COG6: variants seen among roughly 807,000 people sequenced by gnomAD.
COG6 encodes component of oligomeric golgi complex 6, also known as conserved oligomeric Golgi complex subunit 6.
In COG6, 74 loss-of-function variants were observed where a neutral mutation model predicts 88.8. That is an observed-to-expected ratio of 0.83 (90% confidence interval 0.69 to 1.01). The LOEUF (loss-of-function observed/expected upper bound fraction) is 1.01. Ranked by LOEUF, COG6 falls within the 50% of genes least tolerant of loss-of-function variation. The pLI is 0.00. For missense variants in COG6, 800 were observed against 797.9 expected (o/e 1.00, Z -0.03); for synonymous variants, 286 against 278.7 (o/e 1.03, Z -0.26).
chr13:39,723,445 G>A lies in COG6; in HGVS notation c.1692+5G>A. ...CAGCAACATAAACCTGAACAGGTAA[G>A]TGCATAGATGTTCCTTCCTAATTCT... On this transcript the variant is annotated splice_donor_5th_base_variant and intron_variant, in intron 16 of 18. Transcript: ENST00000455146. 6.8e-7 allele frequency: 1 copy of A among 1,460,426 alleles called. No individual in the cohort carries two copies. Among genetic ancestry groups the A allele is most frequent in the Non-Finnish European group, 9.6e-7 (1 of 1,040,458 alleles). 90.5% of individuals were successfully genotyped at this position (1,460,426 alleles called of 1,614,324 possible). A position where few individuals can be genotyped will look rare whatever the true frequency, so the allele number is the denominator to read the frequency against.
chr13:39,770,800 G>A (rs982565309), intron 18 of COG6, among the ~76,000 whole-genome samples: 3 of 152,160 alleles, frequency 2.0e-5, no homozygotes, highest in African/African-American at 7.2e-5. Context: ...AAGATCACGG[G>A]CTTTCATTTC....
intron 18 of COG6, among the ~76,000 whole-genome samples, chr13:39,775,403 A>T (rs1483586237): frequency 6.6e-6 from 1 of 152,226 alleles, no homozygotes; most frequent in Non-Finnish European, 1.5e-5. Flanking sequence ...AAAAGTATAC[A>T]ACAGCTCAGT....
At chr13:39,736,933 T>C (rs1879779335) in intron 18 of COG6, among the ~76,000 whole-genome samples, 1 of 152,192 alleles carries the variant, frequency 6.6e-6, no homozygotes, top group Non-Finnish European at 1.5e-5. Flanking sequence ...ATAGTCTTCA[T>C]AGTCTGGGCC....
At chr13:39,697,206 T>C (rs992128027) in intron 12 of COG6, among the ~76,000 whole-genome samples, 9 of 151,720 alleles carry the variant, frequency 5.9e-5, no homozygotes, top group African/African-American at 2.2e-4. Context: ...TAAAAATGTC[T>C]TAGTTTTCAG....
chr13:39,725,646 C>T (rs1250982043), intron 17 of COG6, among the ~76,000 whole-genome samples: 2 of 150,480 alleles, frequency 1.3e-5, no homozygotes, highest in Non-Finnish European at 1.5e-5. Context: ...AACATTATGT[C>T]GTGATAAAAG....
intron 4 of COG6, among the ~76,000 whole-genome samples, chr13:39,666,820 C>T (rs974060551): frequency 4.6e-5 from 7 of 152,060 alleles, no homozygotes; most frequent in Admixed American, 4.6e-4. Context: ...GAAAATGTGA[C>T]AAAATTAGCA....
rs58617808 is a variant in COG6 at position 39,719,994 on chromosome 13, AACAC to A, written c.1584+197_1584+200del. Among the ~76,000 whole-genome samples the A allele has an allele frequency of 3.3e-3, 492 of 147,842 alleles. 2 individuals carry two copies. Among genetic ancestry groups the A allele is most frequent in the African/African-American group, 8.2e-3 (330 of 40,278 alleles). ...ATATACACAACACACGCACATACAC[AACAC>A]ACACACACACACACACACACACACA... On this transcript the variant is annotated intron_variant, in intron 15 of 18. Transcript: ENST00000455146.
In COG6 at chr13:39,655,861, G is replaced by A; in HGVS notation, c.135G>A (p.Thr45=). The change falls in exon 1 of 19, where the codon ACG becomes ACA. Residue 45 remains threonine, a synonymous_variant. Transcript: ENST00000455146. ...LSRKLHKILE[T]RLDNDKEMLE... ...GCAAGCTGCATAAGATCCTGGAGACGCGGCTGGACAACGACAAGGTAACCG... is the reference window on the plus strand; with the variant it reads ...GCAAGCTGCATAAGATCCTGGAGACACGGCTGGACAACGACAAGGTAACCG... The A allele has an allele frequency of 2.5e-6, 4 of 1,607,296 alleles. No individual in the cohort carries two copies. The highest frequency in any genetic ancestry group is 3.4e-6 in the Non-Finnish European group (4 of 1,177,914).
chr13:39,778,730 G>T (rs554194800), intron 18 of COG6, among the ~76,000 whole-genome samples: 1 of 152,234 alleles, frequency 6.6e-6, no homozygotes, highest in South Asian at 2.1e-4. Flanking sequence ...TATCATGGTT[G>T]TTGTCATCTG....
intron 3 of COG6, among the ~76,000 whole-genome samples, chr13:39,663,544 G>T (rs909179875): frequency 6.6e-6 from 1 of 152,132 alleles, no homozygotes; most frequent in Admixed American, 6.5e-5. Context: ...GAACTTATTG[G>T]CAGTCTAATA....
At chr13:39,790,784 C>T (rs890006437) in exon 19 of COG6, 3 of 151,904 alleles carry the variant, frequency 2.0e-5, no homozygotes, top group Non-Finnish European at 4.4e-5. Context: ...ATAATTTTAA[C>T]GTTTTTATAT....
rs184455813 is a variant in COG6, at chr13:39,743,838, G to A, written c.1827-7108G>A. On this transcript the variant is annotated intron_variant, in intron 18 of 18. Transcript: ENST00000455146. ...TAGACCAATATCCCTGATGAACATC[G>A]ATGCAAAAATCCTCAATAAAATACT... is the stretch of plus-strand genomic sequence containing the variant. 2.1e-3 allele frequency among the ~76,000 whole-genome samples: 314 copies of A among 152,006 alleles called. 1 individual carries two copies. Among genetic ancestry groups the A allele is most frequent in the African/African-American group, 7.3e-3 (304 of 41,474 alleles).
chr13:39,787,179 AAG>A (rs1881800133), intron 18 of COG6, among the ~76,000 whole-genome samples: 1 of 152,094 alleles, frequency 6.6e-6, no homozygotes, highest in Non-Finnish European at 1.5e-5. Context: ...TGGAGTGAAA[AAG>A]AGAGTGTGGG....
At position 39,699,558 on chromosome 13, in the gene COG6, G is replaced by A. The variant is rs1333907830; in HGVS notation, c.1224G>A (p.Leu408=). 6.3e-7 allele frequency: 1 copy of A among 1,598,260 alleles called. No individual in the cohort carries two copies. Residue 408 remains leucine, a synonymous_variant, in exon 13 of 19, where the codon TTG becomes TTA. Transcript: ENST00000455146. The part of the protein sequence containing the change: ...ALLTTIEEMH[L]LSKKIFFNSL... ...TGACTACCATTGAAGAAATGCATTT[G>A]CTAAGCAAAAAAATATTCTTCAATA... is the stretch of plus-strand genomic sequence containing the variant.
At chr13:39,673,907 A>G (rs1265817091) in intron 4 of COG6, among the ~76,000 whole-genome samples, 1 of 151,996 alleles carries the variant, frequency 6.6e-6, no homozygotes, top group Non-Finnish European at 1.5e-5. Flanking sequence ...CCTGAAATAT[A>G]ATGCCTAAAT....
intron 2 of COG6, among the ~76,000 whole-genome samples, chr13:39,660,143 G>T (rs559539860): frequency 6.6e-6 from 1 of 152,082 alleles, no homozygotes; most frequent in South Asian, 2.1e-4. Flanking sequence ...CACCTTGGTA[G>T]GTTTTTATTG....
intron 18 of COG6, among the ~76,000 whole-genome samples, chr13:39,764,098 G>C (rs1424423173): frequency 2.0e-5 from 3 of 151,684 alleles, no homozygotes; most frequent in Non-Finnish European, 4.4e-5. Context: ...AAAACTGTTT[G>C]GTTGTTCTAT....
chr13:39,681,155 G>T (rs1876291102), intron 7 of COG6, among the ~76,000 whole-genome samples: 1 of 152,228 alleles, frequency 6.6e-6, no homozygotes, highest in South Asian at 2.1e-4. Flanking sequence ...TTTAATAGGT[G>T]TTACCAACTG....
At chr13:39,702,341 A>T (rs1877627515) in intron 13 of COG6, among the ~76,000 whole-genome samples, 1 of 152,008 alleles carries the variant, frequency 6.6e-6, no homozygotes, top group Non-Finnish European at 1.5e-5. Flanking sequence ...AACCTTTTAA[A>T]GATAGTCAGT....
Sources: gnomAD v4.1 joint callset for allele counts (sites outside exome capture counted in the v4.1 genomes callset) on GRCh38, gnomAD v4.1.1 for gene constraint, MANE v1.5 for transcripts, NCBI Gene and HGNC (gene_info 2026-07-23, HGNC 2026-07-21) for gene names.